GPC5: variants seen among roughly 807,000 people sequenced by gnomAD.
GPC5 encodes glypican-5.
A neutral mutation model predicts 53.9 loss-of-function variants in GPC5; 47 were observed. That is an observed-to-expected ratio of 0.87 (90% CI 0.69 to 1.11). The LOEUF is 1.11. Among genes scored for constraint, GPC5 ranks in the 50% most tolerant of loss-of-function variants. The pLI, the probability that GPC5 is intolerant of heterozygous loss-of-function variation, is 0.00. For missense variants in GPC5, 748 were observed against 713.1 expected (o/e 1.05, Z -0.56); for synonymous variants, 286 against 263.3 (o/e 1.09, Z -0.84).
At chr13:92,034,565 T>G (rs16946971) in intron 6 of GPC5, among the ~76,000 whole-genome samples, 2,818 of 152,156 alleles carry the variant, frequency 0.019, 91 homozygotes, top group African/African-American at 0.062. Context: ...AGAGAGTCAT[T>G]TCTACTAGTG....
At chr13:92,006,573 G>T (rs2040608783) in intron 6 of GPC5, among the ~76,000 whole-genome samples, 2 of 152,020 alleles carry the variant, frequency 1.3e-5, no homozygotes, top group African/African-American at 4.8e-5. Context: ...TCCTAATGTC[G>T]ATTCATACCC....
chr13:92,866,598 C>T lies in GPC5; in HGVS notation c.*159C>T. The T allele has an allele frequency of 1.9e-6, 1 of 523,522 alleles. No homozygotes were observed. The highest frequency in any genetic ancestry group is 3.8e-5 in the Admixed American group (1 of 26,044). The allele number at this position is 523,522 out of a possible 1,614,324, so 32.4% of individuals were successfully genotyped here. A position where few individuals can be genotyped will look rare whatever the true frequency, so the allele number is the denominator to read the frequency against. Reference sequence around the variant, plus strand: ...AGCCAAGCTGAAATATTCATAAAGTCCCTAAAACTCAACGTTTAAATGACA... The same window carrying T: ...AGCCAAGCTGAAATATTCATAAAGTTCCTAAAACTCAACGTTTAAATGACA... On this transcript the variant is annotated 3_prime_UTR_variant, in exon 8 of 8. Transcript: ENST00000377067.
Position 91,728,549 on chromosome 13 carries a change from C to A in GPC5, c.1038C>A (p.Gly346=). The change falls in exon 4 of 8, where the codon GGC becomes GGA. Residue 346 remains glycine (G), a synonymous_variant. Coordinates refer to ENST00000377067, the MANE Select transcript of GPC5 (RefSeq NM_004466.6). ...TTTAAAAGGTAAATAGGATTTGTGG[C>A]CGCCCTGTAAGAACACCCACACAAA... ...KLLEQVNRIC[G]RPVRTPTQSP... The A allele has an allele frequency of 6.2e-7, 1 of 1,610,736 alleles. No individual in the cohort carries two copies. Among genetic ancestry groups the A allele is most frequent in the South Asian group, 1.1e-5 (1 of 90,668 alleles).
At chr13:92,242,134 G>A (rs1485724520) in intron 7 of GPC5, among the ~76,000 whole-genome samples, 2 of 151,530 alleles carry the variant, frequency 1.3e-5, no homozygotes, top group African/African-American at 4.9e-5. Flanking sequence ...TCCGGAGTCT[G>A]AGGCATGAGA....
chr13:91,501,201 C>G lies in GPC5; in HGVS notation c.325+52279C>G, dbSNP rs372035488. Among the ~76,000 whole-genome samples, 15 of 150,164 alleles carry G rather than the reference C, an allele frequency of 1.0e-4. No homozygotes were observed. In the East Asian group the frequency reaches 1.4e-3, roughly 14 times the overall value. ...TCCTTTGTCCTGAAGTTATTCGTAA[C>G]AGCAACTTCTTGCAGGAAAGCTCAG... On this transcript the variant is annotated intron_variant, in intron 2 of 7. Transcript: ENST00000377067.
At chr13:92,371,406 G>C (rs1057207182) in intron 7 of GPC5, among the ~76,000 whole-genome samples, 1 of 152,170 alleles carries the variant, frequency 6.6e-6, no homozygotes, top group African/African-American at 2.4e-5. Flanking sequence ...GGTGGGCCCA[G>C]TGTAATCATA....
At chr13:92,819,470 C>T (rs569350644) in intron 7 of GPC5, among the ~76,000 whole-genome samples, 2 of 152,198 alleles carry the variant, frequency 1.3e-5, no homozygotes, top group Non-Finnish European at 2.9e-5. Flanking sequence ...TTGCTAACTT[C>T]ACCAAACTGT....
chr13:92,265,638 C>T (rs960617739), intron 7 of GPC5, among the ~76,000 whole-genome samples: 4 of 152,142 alleles, frequency 2.6e-5, no homozygotes, highest in Non-Finnish European at 2.9e-5. Context: ...ATTAGTGCCT[C>T]ATTCATGGAA....
At chr13:91,491,539 A>C (rs993569094) in intron 2 of GPC5, among the ~76,000 whole-genome samples, 1 of 152,148 alleles carries the variant, frequency 6.6e-6, no homozygotes, top group African/African-American at 2.4e-5. Flanking sequence ...ATTCCTTTCA[A>C]TAACAAATCA....
chr13:92,857,929 A>T (rs1186079062), intron 7 of GPC5, among the ~76,000 whole-genome samples: 1 of 152,190 alleles, frequency 6.6e-6, no homozygotes. Context: ...ATGAAATAAA[A>T]ACAGAACTAC....
Position 92,399,306 on chromosome 13 carries a change from A to G in GPC5, c.1561+254317A>G, listed in dbSNP as rs184661754. Among the ~76,000 whole-genome samples, 276 of 152,348 alleles carry G rather than the reference A, an allele frequency of 1.8e-3. 2 individuals are homozygous for G. Among genetic ancestry groups the G allele is most frequent in the Middle Eastern group, 0.014 (4 of 294 alleles). On this transcript the variant is annotated intron_variant, in intron 7 of 7. Transcript: ENST00000377067. ...AATTAAAATGTAAACTGTGATGAGT[A>G]TAATACTAGAGACCATTATTAAGTG...
intron 7 of GPC5, among the ~76,000 whole-genome samples, chr13:92,387,926 T>C (rs1238349176): frequency 2.0e-5 from 3 of 152,182 alleles, no homozygotes; most frequent in Non-Finnish European, 4.4e-5. Context: ...AAGGCATTAT[T>C]ACTATTTCAC....
At chr13:91,503,811 A>C (rs188698086) in intron 2 of GPC5, among the ~76,000 whole-genome samples, 1,624 of 143,752 alleles carry the variant, frequency 0.011, 33 homozygotes, top group African/African-American at 0.042. Flanking sequence ...TAATAATAAT[A>C]ATAATAATCA....
intron 7 of GPC5, among the ~76,000 whole-genome samples, chr13:92,540,285 A>G (rs1370483064): frequency 1.3e-5 from 2 of 151,978 alleles, no homozygotes; most frequent in African/African-American, 4.8e-5. Context: ...TCAACACATA[A>G]ATAAAAGCAA....
chr13:92,714,810 G>A (rs1398207756), intron 7 of GPC5, among the ~76,000 whole-genome samples: 2 of 152,178 alleles, frequency 1.3e-5, no homozygotes, highest in Admixed American at 6.5e-5. Flanking sequence ...GCTCACACCT[G>A]TAATCCCAGT....
intron 6 of GPC5, among the ~76,000 whole-genome samples, chr13:91,956,056 C>T (rs372783876): frequency 1.2e-4 from 18 of 152,088 alleles, no homozygotes; most frequent in African/African-American, 3.9e-4. Flanking sequence ...CTGCTCCAAC[C>T]AGAACATTTC....
chr13:92,055,595 G>A (rs1245555401), intron 6 of GPC5, among the ~76,000 whole-genome samples: 1 of 152,132 alleles, frequency 6.6e-6, no homozygotes, highest in Non-Finnish European at 1.5e-5. Context: ...AATATGTAAA[G>A]CAACAACATT....
intron 2 of GPC5, among the ~76,000 whole-genome samples, chr13:91,671,780 CAAAAAAA>C (rs55758033): frequency 3.6e-4 from 12 of 33,124 alleles, no homozygotes; most frequent in East Asian, 1.1e-3. Flanking sequence ...CAATCTGAAG[CAAAAAAA>C]AAAAAAAAAA....
intron 5 of GPC5, among the ~76,000 whole-genome samples, chr13:91,905,975 T>C (rs2039548560): frequency 6.6e-6 from 1 of 152,076 alleles, no homozygotes; most frequent in Non-Finnish European, 1.5e-5. Context: ...GAGATTTTAT[T>C]GCACGTGTCA....
Sources: allele counts gnomAD v4.1 joint callset (sites outside exome capture counted in the v4.1 genomes callset), GRCh38; gene constraint gnomAD v4.1.1; transcripts MANE v1.5; gene names NCBI Gene and HGNC (gene_info 2026-07-23, HGNC 2026-07-21).